The following MTUS2 variants were observed in gnomAD, a reference collection of about 807,000 sequenced individuals.
MTUS2 encodes the protein microtubule associated scaffold protein 2.
Under a neutral mutation model 114.1 loss-of-function variants are expected in MTUS2, and 40 were observed. The ratio of observed to expected loss-of-function variants is 0.35; its 90% CI spans 0.27 to 0.46. MTUS2 has a LOEUF of 0.46. Ranked by LOEUF, MTUS2 falls within the 20% of genes least tolerant of loss-of-function variation. MTUS2 has a pLI of 1.00. For synonymous variants in MTUS2, 688 were observed against 672.0 expected (o/e 1.02, Z -0.37); for missense variants, 1,679 against 1,705.4 (o/e 0.98, Z 0.27).
At chr13:29,190,222 A>G (rs1894390965) in intron 5 of MTUS2, among the ~76,000 whole-genome samples, 1 of 152,234 alleles carries the variant, frequency 6.6e-6, no homozygotes, top group African/African-American at 2.4e-5. Flanking sequence ...AATAAAAATA[A>G]CATAGCTAAT....
At chr13:29,262,187 G>A (rs908608196) in intron 5 of MTUS2, among the ~76,000 whole-genome samples, 15 of 151,366 alleles carry the variant, frequency 9.9e-5, no homozygotes, top group Middle Eastern at 3.4e-3. Context: ...TGCCTTCTTC[G>A]TTAAGCAGCT....
At chr13:29,216,363 C>T (rs1895681595) in intron 5 of MTUS2, among the ~76,000 whole-genome samples, 1 of 152,278 alleles carries the variant, frequency 6.6e-6, no homozygotes. Flanking sequence ...GACTTCAGAC[C>T]CCTTTCCAGG....
At chr13:29,247,741 C>A (rs1453242131) in intron 5 of MTUS2, among the ~76,000 whole-genome samples, 3 of 152,004 alleles carry the variant, frequency 2.0e-5, no homozygotes, top group Non-Finnish European at 2.9e-5. Context: ...ATCAAAAAAT[C>A]AAAAAATAAT....
chr13:29,413,219 A>G (rs1475496506), intron 8 of MTUS2, among the ~76,000 whole-genome samples: 1 of 152,176 alleles, frequency 6.6e-6, no homozygotes. Flanking sequence ...CTTTTAGGGG[A>G]AGGGGAACAT....
chr13:29,479,560 G>A (rs896390546), intron 9 of MTUS2, among the ~76,000 whole-genome samples: 1 of 152,172 alleles, frequency 6.6e-6, no homozygotes, highest in African/African-American at 2.4e-5. Flanking sequence ...AAACTTCAGG[G>A]TACCTGAAAG....
intron 2 of MTUS2, among the ~76,000 whole-genome samples, chr13:28,948,663 C>T (rs980809429): frequency 7.2e-5 from 11 of 152,100 alleles, no homozygotes; most frequent in African/African-American, 9.7e-5. Flanking sequence ...GCTTAATAAC[C>T]GTGTTGGCAA....
intron 2 of MTUS2, among the ~76,000 whole-genome samples, chr13:28,881,243 T>A (rs1014621358): frequency 1.3e-5 from 2 of 152,240 alleles, no homozygotes; most frequent in Non-Finnish European, 2.9e-5. Context: ...TTTCTGTTTC[T>A]GAGTTATTTC....
At chr13:29,196,318 G>A (rs374244844) in intron 5 of MTUS2, among the ~76,000 whole-genome samples, 4 of 151,954 alleles carry the variant, frequency 2.6e-5, no homozygotes, top group African/African-American at 7.3e-5. Context: ...GGCTGGTCTC[G>A]AACTCCTGAC....
chr13:29,252,040 C>G (rs1355079390), intron 5 of MTUS2, among the ~76,000 whole-genome samples: 2 of 152,098 alleles, frequency 1.3e-5, no homozygotes, highest in Admixed American at 6.5e-5. Flanking sequence ...GAAATTAGAA[C>G]AAAACACTTG....
At chr13:29,101,917 C>G (rs9314933) in intron 5 of MTUS2, among the ~76,000 whole-genome samples, 102,225 of 152,082 alleles carry the variant, frequency 0.67, 35,060 homozygotes, top group Non-Finnish European at 0.74. Flanking sequence ...GGAACATTTG[C>G]GTAGTTCTAA....
chr13:29,441,950 T>C (rs985308812), intron 9 of MTUS2, among the ~76,000 whole-genome samples: 1 of 152,170 alleles, frequency 6.6e-6, no homozygotes, highest in Non-Finnish European at 1.5e-5. Context: ...CCTTCTCCAC[T>C]CACCGGCTTT....
chr13:29,036,103 C>T (rs1424923454), intron 4 of MTUS2, among the ~76,000 whole-genome samples: 1 of 146,524 alleles, frequency 6.8e-6, no homozygotes, highest in Non-Finnish European at 1.5e-5. Flanking sequence ...GAGATCGCAC[C>T]ACTGCACTCC....
At chr13:29,372,117 T>G (rs1871243992) in intron 8 of MTUS2, among the ~76,000 whole-genome samples, 1 of 151,604 alleles carries the variant, frequency 6.6e-6, no homozygotes, top group African/African-American at 2.4e-5. Flanking sequence ...TTATAGAAAT[T>G]TTATTCATCA....
At chr13:29,046,802 C>T (rs973373483) in intron 4 of MTUS2, among the ~76,000 whole-genome samples, 1 of 152,060 alleles carries the variant, frequency 6.6e-6, no homozygotes, top group African/African-American at 2.4e-5. Context: ...ATTATCAGTA[C>T]CAGCTCACAT....
rs191170872 is a variant in MTUS2 at position 29,423,928 on chromosome 13, G to A, written c.3118-16055G>A. ...CGCCCAGGCTACAATGCAGTGACACGATCTCGGCTCACGGCAACCTCGGCC... is the reference window on the plus strand; with the variant it reads ...CGCCCAGGCTACAATGCAGTGACACAATCTCGGCTCACGGCAACCTCGGCC... On this transcript the variant is annotated intron_variant, in intron 8 of 15. Transcript: ENST00000612955. Among the ~76,000 whole-genome samples, 133 of 151,004 alleles carry A rather than the reference G, an allele frequency of 8.8e-4. 2 individuals carry two copies. The highest frequency in any genetic ancestry group is 3.2e-3 in the Admixed American group (49 of 15,148).
intron 8 of MTUS2, among the ~76,000 whole-genome samples, chr13:29,410,674 T>C (rs770449883): frequency 1.3e-5 from 2 of 152,226 alleles, no homozygotes; most frequent in Non-Finnish European, 2.9e-5. Context: ...TTTCTCCTAG[T>C]TTGTCAGTTA....
chr13:29,131,524 C>T (rs2138959274), intron 5 of MTUS2, among the ~76,000 whole-genome samples: 1 of 152,366 alleles, frequency 6.6e-6, no homozygotes, highest in South Asian at 2.1e-4. Flanking sequence ...CAGACAGCTG[C>T]CTTCACATGG....
chr13:28,948,537 A>G (rs563773211), intron 2 of MTUS2, among the ~76,000 whole-genome samples: 3 of 152,280 alleles, frequency 2.0e-5, no homozygotes, highest in African/African-American at 7.2e-5. Flanking sequence ...AGGTTCCTCT[A>G]TTACTTAGAA....
At chr13:29,327,421 C>G (rs1348453051) in intron 7 of MTUS2, among the ~76,000 whole-genome samples, 1 of 152,106 alleles carries the variant, frequency 6.6e-6, no homozygotes, top group Non-Finnish European at 1.5e-5. Context: ...CACCCCAAAC[C>G]CCAGACAACC....
Sources: gnomAD v4.1 joint callset for allele counts (sites outside exome capture counted in the v4.1 genomes callset) on GRCh38, gnomAD v4.1.1 for gene constraint, MANE v1.5 for transcripts, NCBI Gene and HGNC (gene_info 2026-07-23, HGNC 2026-07-21) for gene names.